Variants in GMDS observed in about 807,000 individuals in gnomAD.
GMDS encodes the protein GDP-mannose 4,6-dehydratase.
In GMDS, 20 loss-of-function variants were observed where a neutral mutation model predicts 49.9. That is an observed-to-expected ratio of 0.40 (90% confidence interval 0.28 to 0.58). The LOEUF (loss-of-function observed/expected upper bound fraction) is 0.58. GMDS is among the 20% of genes least tolerant of loss of function. The pLI is 0.42. For synonymous variants in GMDS, 177 were observed against 178.6 expected (o/e 0.99, Z 0.07); for missense variants, 362 against 481.4 (o/e 0.75, Z 2.32).
intron 4 of GMDS, among the ~76,000 whole-genome samples, chr6:2,094,187 C>T (rs1773469729): frequency 6.6e-6 from 1 of 152,196 alleles, no homozygotes. Context: ...GTGAGGCAGA[C>T]ACACACTGAG....
chr6:2,184,589 T>C (rs1200786983), intron 1 of GMDS, among the ~76,000 whole-genome samples: 1 of 152,226 alleles, frequency 6.6e-6, no homozygotes, highest in Non-Finnish European at 1.5e-5. Flanking sequence ...CCTACATAGC[T>C]ATCATTCCCT....
intron 7 of GMDS, among the ~76,000 whole-genome samples, chr6:1,929,307 G>A (rs1762174331): frequency 6.6e-6 from 1 of 152,202 alleles, no homozygotes; most frequent in Non-Finnish European, 1.5e-5. Flanking sequence ...ACTTGAACAA[G>A]GACAGGCTAC....
At chr6:1,651,533 C>T (rs1268748296) in intron 9 of GMDS, among the ~76,000 whole-genome samples, 1 of 152,220 alleles carries the variant, frequency 6.6e-6, no homozygotes, top group African/African-American at 2.4e-5. Context: ...ACTAGAAGAA[C>T]AGTTGTTGGG....
intron 1 of GMDS, among the ~76,000 whole-genome samples, chr6:2,167,930 T>G (rs575880720): frequency 6.6e-6 from 1 of 152,370 alleles, no homozygotes; most frequent in South Asian, 2.1e-4. Flanking sequence ...CAATAAGTAC[T>G]GCTTAAATAA....
intron 7 of GMDS, among the ~76,000 whole-genome samples, chr6:1,854,696 C>T (rs748570923): frequency 1.9e-4 from 29 of 152,276 alleles, no homozygotes; most frequent in Middle Eastern, 6.8e-3. Context: ...TGCAGACTCG[C>T]GATCTAGCAG....
intron 7 of GMDS, among the ~76,000 whole-genome samples, chr6:1,860,956 C>T (rs1487956922): frequency 6.6e-6 from 1 of 152,196 alleles, no homozygotes; most frequent in Non-Finnish European, 1.5e-5. Flanking sequence ...CACCAGTCAG[C>T]AGCACACTCT....
intron 4 of GMDS, among the ~76,000 whole-genome samples, chr6:1,974,903 T>C (rs1457122369): frequency 6.7e-6 from 1 of 148,948 alleles, no homozygotes; most frequent in African/African-American, 2.5e-5. Context: ...CCAGGCACGA[T>C]GGTGGGCGCC....
intron 7 of GMDS, among the ~76,000 whole-genome samples, chr6:1,887,234 G>A (rs1198655603): frequency 1.3e-5 from 2 of 151,834 alleles, no homozygotes; most frequent in East Asian, 1.9e-4. Flanking sequence ...AGATGACAAC[G>A]CATACTTGGA....
chr6:1,664,233 C>G (rs1468091466), intron 9 of GMDS, among the ~76,000 whole-genome samples: 2 of 152,196 alleles, frequency 1.3e-5, no homozygotes, highest in African/African-American at 4.8e-5. Flanking sequence ...CTGCCCTTTG[C>G]TACTTGAATC....
intron 9 of GMDS, among the ~76,000 whole-genome samples, chr6:1,702,678 G>A (rs917049631): frequency 2.0e-5 from 3 of 152,124 alleles, no homozygotes; most frequent in African/African-American, 7.2e-5. Context: ...GGGAACCCTG[G>A]GGAGATCTTA....
intron 1 of GMDS, among the ~76,000 whole-genome samples, chr6:2,178,897 T>C (rs1778400428): frequency 6.6e-6 from 1 of 152,222 alleles, no homozygotes; most frequent in Non-Finnish European, 1.5e-5. Context: ...AAAAATGGTG[T>C]ATACCACAAA....
intron 9 of GMDS, among the ~76,000 whole-genome samples, chr6:1,651,819 G>A (rs573552901): frequency 1.3e-4 from 20 of 152,288 alleles, no homozygotes; most frequent in Middle Eastern, 3.4e-3. Flanking sequence ...CCTGGCACTC[G>A]ATAAACAACA....
chr6:2,068,287 T>A (rs924447784), intron 4 of GMDS, among the ~76,000 whole-genome samples: 7 of 151,628 alleles, frequency 4.6e-5, no homozygotes, highest in African/African-American at 1.5e-4. Flanking sequence ...GAGCTATCTA[T>A]GACAAACCCA....
chr6:2,230,577 A>T (rs1247011154), intron 1 of GMDS, among the ~76,000 whole-genome samples: 1 of 152,232 alleles, frequency 6.6e-6, no homozygotes, highest in Non-Finnish European at 1.5e-5. Flanking sequence ...GGTAACGCTT[A>T]AATAGGTTAA....
intron 4 of GMDS, among the ~76,000 whole-genome samples, chr6:2,010,326 C>CA (rs201372798): frequency 0.068 from 6,126 of 90,064 alleles, 161 homozygotes; most frequent in Non-Finnish European, 0.08. Flanking sequence ...GACTCCATCT[C>CA]AAAAAAAAAA....
intron 4 of GMDS, among the ~76,000 whole-genome samples, chr6:1,984,711 C>A (rs530663671): frequency 8.5e-5 from 13 of 152,218 alleles, no homozygotes; most frequent in Admixed American, 4.6e-4. Context: ...AAAACCTACT[C>A]AGGTCACACC....
intron 9 of GMDS, among the ~76,000 whole-genome samples, chr6:1,642,044 C>A (rs540420699): frequency 6.6e-6 from 1 of 151,910 alleles, no homozygotes; most frequent in African/African-American, 2.4e-5. Flanking sequence ...GATCGCCCTG[C>A]GTAGCACTCT....
intron 4 of GMDS, among the ~76,000 whole-genome samples, chr6:1,963,699 C>G (rs1561928417): frequency 6.6e-6 from 1 of 152,046 alleles, no homozygotes; most frequent in Admixed American, 6.6e-5. Flanking sequence ...AAGCCATGGC[C>G]TTATTTTGAG....
At chr6:1,882,507 A>G (rs765463603) in intron 7 of GMDS, among the ~76,000 whole-genome samples, 74 of 152,358 alleles carry the variant, frequency 4.9e-4, no homozygotes, top group Middle Eastern at 3.4e-3. Context: ...ACAAGATTCC[A>G]TATTTTGCAA....
Sources: gnomAD v4.1 joint callset for allele counts (sites outside exome capture counted in the v4.1 genomes callset) on GRCh38, gnomAD v4.1.1 for gene constraint, MANE v1.5 for transcripts, NCBI Gene and HGNC (gene_info 2026-07-23, HGNC 2026-07-21) for gene names.